ZNF827: variants seen among roughly 807,000 people sequenced by gnomAD.
The protein encoded by ZNF827 is zinc finger protein 827.
In ZNF827, 13 loss-of-function variants were observed where a neutral mutation model predicts 102.4. The ratio of observed to expected loss-of-function variants is 0.13; its 90% CI spans 0.08 to 0.20. ZNF827 has a LOEUF of 0.20. Ranked by LOEUF, ZNF827 falls within the 10% of genes least tolerant of loss-of-function variation. The probability of loss-of-function intolerance (pLI) is 1.00; values close to 1 mark genes in which losing one functional copy is unlikely to be tolerated. For missense variants in ZNF827, 1,103 were observed against 1,344.4 expected (o/e 0.82, Z 2.81); for synonymous variants, 523 against 536.2 (o/e 0.98, Z 0.34).
intron 3 of ZNF827, among the ~76,000 whole-genome samples, chr4:145,889,780 C>A (rs529216617): frequency 2.6e-5 from 4 of 152,124 alleles, no homozygotes; most frequent in Non-Finnish European, 5.9e-5. Flanking sequence ...AGTTCAAGAC[C>A]AGCGTGGCTA....
At chr4:145,928,923 T>C (rs1010738623) in intron 1 of ZNF827, among the ~76,000 whole-genome samples, 7 of 152,070 alleles carry the variant, frequency 4.6e-5, no homozygotes, top group African/African-American at 1.7e-4. Flanking sequence ...GCCTGGGGAA[T>C]GGAGACAGCC....
chr4:145,914,257 C>A (rs1273986648), intron 1 of ZNF827, among the ~76,000 whole-genome samples: 4 of 152,232 alleles, frequency 2.6e-5, no homozygotes, highest in Middle Eastern at 6.8e-3. Flanking sequence ...GGAAAAGAGA[C>A]AAAATAGATT....
rs755603388 is a variant in ZNF827, at chr4:145,902,877, C to T, written c.382G>A (p.Glu128Lys). Reference protein sequence around the residue: ...PLSSNLRRLLEAGSLKLDAAA... With the variant: ...PLSSNLRRLLKAGSLKLDAAA... ...GCATCGAGTTTGAGGGAACCAGCCT[C>T]CAGCAGCCGCCTCAAATTGCTGCTC... The change falls in exon 2 of 15, where the codon GAG becomes AAG. Residue 128 changes from glutamate to lysine, a missense_variant. Glu to Lys is a moderately conservative substitution (Grantham distance 56). Around this residue, in one of 5 missense-constraint regions of ZNF827, gnomAD observed 441 missense variants for 458.6 expected, o/e 0.96. Transcript: ENST00000508784. The surrounding 1 kb of genome is among the most constrained non-coding windows in gnomAD (Gnocchi z 4.3). 3.7e-6 allele frequency: 6 copies of T among 1,614,196 alleles called. No individual in the cohort carries two copies. The highest frequency in any genetic ancestry group is 1.6e-4 in the Middle Eastern group (1 of 6,062).
At chr4:145,857,640 CAAATCA>C (rs994190049) in intron 5 of ZNF827, among the ~76,000 whole-genome samples, 3 of 152,252 alleles carry the variant, frequency 2.0e-5, no homozygotes, top group African/African-American at 7.2e-5. Context: ...CACTTTTGTC[CAAATCA>C]AAATCAAAAT....
chr4:145,779,345 G>A, intron 9 of ZNF827, 29 bp downstream of exon 9: 4 of 1,609,198 alleles, frequency 2.5e-6, no homozygotes, highest in Non-Finnish European at 3.4e-6. Flanking sequence ...GAGCATAGAG[G>A]GCTGACAGCC....
At chr4:145,808,614 C>T (rs371409623) in intron 8 of ZNF827, among the ~76,000 whole-genome samples, 4 of 152,162 alleles carry the variant, frequency 2.6e-5, no homozygotes, top group African/African-American at 7.2e-5. Flanking sequence ...TACAGATAAA[C>T]GCAGAACATT....
intron 1 of ZNF827, among the ~76,000 whole-genome samples, chr4:145,921,963 A>T (rs1174248151): frequency 6.6e-6 from 1 of 152,220 alleles, no homozygotes; most frequent in African/African-American, 2.4e-5. Flanking sequence ...AGGTAATTTG[A>T]CTGATGAGTT....
intron 5 of ZNF827, among the ~76,000 whole-genome samples, chr4:145,860,303 C>G (rs968353163): frequency 1.3e-5 from 2 of 152,114 alleles, no homozygotes; most frequent in Non-Finnish European, 2.9e-5. Context: ...TTTGGAAACA[C>G]GCATGTGGAC....
At chr4:145,819,639 C>A (rs952660019) in intron 8 of ZNF827, among the ~76,000 whole-genome samples, 6 of 152,134 alleles carry the variant, frequency 3.9e-5, no homozygotes, top group African/African-American at 1.2e-4. Flanking sequence ...GATAGGAAAG[C>A]TCTTTTATTT....
chr4:145,935,350 T>G (rs980646367), intron 1 of ZNF827, among the ~76,000 whole-genome samples: 2 of 152,226 alleles, frequency 1.3e-5, no homozygotes, highest in Non-Finnish European at 2.9e-5. Flanking sequence ...TAATTACTAC[T>G]TCACACCACT....
chr4:145,875,377 C>T (rs763412678), intron 4 of ZNF827, among the ~76,000 whole-genome samples: 2 of 152,160 alleles, frequency 1.3e-5, no homozygotes, highest in East Asian at 1.9e-4. Flanking sequence ...GAGTTTCTCA[C>T]TGGAAATGCA....
In ZNF827 at chr4:145,902,876, T is replaced by A. The variant is rs747612285; in HGVS notation, c.383A>T (p.Glu128Val). The A allele has an allele frequency of 1.9e-6, 3 of 1,614,140 alleles. No homozygotes were observed. Among genetic ancestry groups the A allele is most frequent in the Admixed American group, 1.7e-5 (1 of 60,028 alleles). Residue 128 changes from glutamate to valine, a missense_variant, in exon 2 of 15, where the codon GAG becomes GTG. Around this residue, in one of 5 missense-constraint regions of ZNF827, gnomAD observed 441 missense variants for 458.6 expected, o/e 0.96. Transcript: ENST00000508784. This position sits in a 1 kb window ranked among gnomAD's most constrained non-coding sequence, Gnocchi z 4.3. ...PLSSNLRRLL[E>V]AGSLKLDAAA... is the part of the protein sequence containing the mutation. ...AGCATCGAGTTTGAGGGAACCAGCCTCCAGCAGCCGCCTCAAATTGCTGCT... is the reference window on the plus strand; with the variant it reads ...AGCATCGAGTTTGAGGGAACCAGCCACCAGCAGCCGCCTCAAATTGCTGCT...
intron 7 of ZNF827, among the ~76,000 whole-genome samples, chr4:145,842,089 A>G (rs566099666): frequency 6.6e-6 from 1 of 152,298 alleles, no homozygotes; most frequent in African/African-American, 2.4e-5. Flanking sequence ...ATACTTCTGT[A>G]TATGTTTGAA....
chr4:145,761,462 G>T lies in ZNF827; in HGVS notation c.*154C>A. On this transcript the variant is annotated 3_prime_UTR_variant, in exon 15 of 15. Transcript: ENST00000508784. This position sits in a 1 kb window ranked among gnomAD's most constrained non-coding sequence, Gnocchi z 6.8. Reference sequence around the variant, plus strand: ...TAGTGGTTGCCCAGGCGGTGCTCCCGGGTGTGCGTCTCCAGCTCCAGCTGG... The same window carrying T: ...TAGTGGTTGCCCAGGCGGTGCTCCCTGGTGTGCGTCTCCAGCTCCAGCTGG... The T allele has an allele frequency of 7.8e-7, 1 of 1,289,816 alleles. No individual in the cohort carries two copies. Among genetic ancestry groups the T allele is most frequent in the Non-Finnish European group, 1.0e-6 (1 of 988,860 alleles). 79.9% of individuals were successfully genotyped at this position (1,289,816 alleles called of 1,614,324 possible). A position where few individuals can be genotyped will look rare whatever the true frequency, so the allele number is the denominator to read the frequency against.
chr4:145,933,679 G>A (rs901054113), intron 1 of ZNF827, among the ~76,000 whole-genome samples: 9 of 151,772 alleles, frequency 5.9e-5, no homozygotes, highest in African/African-American at 1.9e-4. Context: ...GTTCCCCCTC[G>A]GGAATAGGCA....
intron 2 of ZNF827, 78 bp from the exon 3 acceptor site, chr4:145,892,493 G>A: frequency 7.3e-7 from 1 of 1,374,456 alleles, no homozygotes; most frequent in South Asian, 1.6e-5. Context: ...CACATACACT[G>A]CCATATAAAA....
chr4:145,856,923 A>G (rs1013044084), intron 5 of ZNF827, among the ~76,000 whole-genome samples: 1 of 151,858 alleles, frequency 6.6e-6, no homozygotes, highest in Non-Finnish European at 1.5e-5. Flanking sequence ...GTTTAAAATG[A>G]TAGAACTAGG....
chr4:145,922,690 T>C (rs1400981305), intron 1 of ZNF827, among the ~76,000 whole-genome samples: 3 of 152,350 alleles, frequency 2.0e-5, no homozygotes, highest in South Asian at 2.1e-4. Flanking sequence ...GAAAAGGACA[T>C]GTGTGACTGA....
chr4:145,916,386 C>T (rs1010009996), intron 1 of ZNF827, among the ~76,000 whole-genome samples: 5 of 151,342 alleles, frequency 3.3e-5, no homozygotes, highest in South Asian at 2.1e-4. Context: ...GGGCATGAGC[C>T]GTACGGGAAT....
Sources: gnomAD v4.1 joint callset for allele counts (sites outside exome capture counted in the v4.1 genomes callset) on GRCh38, gnomAD v4.1.1 for gene constraint, gnomAD v4.1.1 regional missense constraint, Gnocchi (gnomAD v3.1) non-coding constraint, MANE v1.5 for transcripts, NCBI Gene and HGNC (gene_info 2026-07-23, HGNC 2026-07-21) for gene names.